METTL25: variants seen among roughly 807,000 people sequenced by gnomAD.
The protein encoded by METTL25 is methyltransferase like 25.
A neutral mutation model predicts 71.6 loss-of-function variants in METTL25; 64 were observed. That is an observed-to-expected ratio of 0.89 (90% CI 0.73 to 1.10). METTL25 has a LOEUF of 1.10. Ranked by LOEUF, METTL25 falls within the 50% of genes least tolerant of loss-of-function variation. METTL25 has a pLI of 0.00. For synonymous variants in METTL25, 287 were observed against 250.3 expected, an observed-to-expected ratio of 1.15 and a Z score of -1.38; for missense variants, 807 against 707.0, an observed-to-expected ratio of 1.14 and a Z score of -1.60.
chr12:82,358,781 G>C lies in METTL25; in HGVS notation c.216G>C (p.Leu72=), dbSNP rs1279746927. The C allele has an allele frequency of 1.2e-6, 2 of 1,613,780 alleles. No homozygotes were observed. Among genetic ancestry groups the C allele is most frequent in the South Asian group, 2.2e-5 (2 of 91,072 alleles). ...LRKSASETEA[L]PSETRPLVEA... ...AGTCAGCGTCGGAGACGGAGGCCCT[G>C]CCCTCAGAGACGCGCCCCCTAGTGG... is the stretch of plus-strand genomic sequence containing the variant. Residue 72 remains leucine, a synonymous_variant, in exon 1 of 12, where the codon CTG becomes CTC. Coordinates refer to ENST00000248306, the MANE Select transcript of METTL25 (RefSeq NM_032230.3).
Position 82,430,982 on chromosome 12 carries a change from T to C in METTL25, c.1369T>C (p.Cys457Arg). ...TGGTCGTAATGCCAGAATGTCAGCA[T>C]GTTTGGTATGGTTATATTTTTTCCT... ...CCGRNARMSA[C>R]LALERVAAGQ... Residue 457 changes from cysteine to arginine, a missense_variant, in exon 6 of 12, where the codon TGT becomes CGT. By Grantham distance (180) the Cys-to-Arg change is radical (BLOSUM62 -3). Transcript: ENST00000248306. 1 of 1,580,728 alleles carries C rather than the reference T, an allele frequency of 6.3e-7. No individual in the cohort carries two copies. The highest frequency in any genetic ancestry group is 8.6e-7 in the Non-Finnish European group (1 of 1,156,436).
intron 5 of METTL25, among the ~76,000 whole-genome samples, chr12:82,410,200 A>G (rs1043842699): frequency 1.3e-5 from 2 of 152,114 alleles, no homozygotes; most frequent in African/African-American, 4.8e-5. Flanking sequence ...CAAATATTCT[A>G]TATATGGTAC....
intron 9 of METTL25, among the ~76,000 whole-genome samples, chr12:82,461,323 A>T (rs1424868218): frequency 6.6e-6 from 1 of 152,226 alleles, no homozygotes; most frequent in Non-Finnish European, 1.5e-5. Flanking sequence ...TGTGCCAGGC[A>T]CTGTGCTAAA....
intron 6 of METTL25, among the ~76,000 whole-genome samples, chr12:82,433,007 A>G (rs539672308): frequency 1.1e-4 from 17 of 151,756 alleles, no homozygotes; most frequent in Admixed American, 9.9e-4. Context: ...TAAAACTTCT[A>G]AATTATTCCA....
intron 1 of METTL25, among the ~76,000 whole-genome samples, chr12:82,372,682 A>G (rs924729506): frequency 1.3e-5 from 2 of 152,132 alleles, no homozygotes; most frequent in African/African-American, 4.8e-5. Flanking sequence ...TAGGATTTGC[A>G]GGTCAAATTG....
At chr12:82,385,146 A>G (rs758644613) in intron 1 of METTL25, among the ~76,000 whole-genome samples, 3 of 152,138 alleles carry the variant, frequency 2.0e-5, no homozygotes, top group Non-Finnish European at 4.4e-5. Context: ...TGGAAGGTAT[A>G]TATATCTGCT....
At chr12:82,413,986 G>GTA (rs995372378) in intron 5 of METTL25, among the ~76,000 whole-genome samples, 35 of 150,732 alleles carry the variant, frequency 2.3e-4, no homozygotes, top group East Asian at 7.8e-4. Flanking sequence ...TATAACAAAT[G>GTA]TATATATATA....
intron 5 of METTL25, among the ~76,000 whole-genome samples, chr12:82,422,435 T>C (rs1322916790): frequency 6.6e-6 from 1 of 152,088 alleles, no homozygotes; most frequent in African/African-American, 2.4e-5. Flanking sequence ...CCACAGCCAA[T>C]ATCATACTGA....
chr12:82,384,469 GA>G (rs1385958866), intron 1 of METTL25, among the ~76,000 whole-genome samples: 2 of 133,124 alleles, frequency 1.5e-5, no homozygotes, highest in East Asian at 4.6e-4. Flanking sequence ...TTACAGGCTG[GA>G]TAACTTGAAA....
chr12:82,456,691 G>T, intron 8 of METTL25, 36 bp from the exon 9 acceptor site: 1 of 1,298,114 alleles, frequency 7.7e-7, no homozygotes, highest in South Asian at 1.3e-5. Flanking sequence ...AATTTACATT[G>T]GAAAAACTAA....
intron 5 of METTL25, among the ~76,000 whole-genome samples, chr12:82,404,901 G>A (rs566394664): frequency 6.6e-5 from 10 of 151,700 alleles, no homozygotes; most frequent in Admixed American, 3.9e-4. Flanking sequence ...CCAAGATGGC[G>A]CCATTGCACT....
intron 3 of METTL25, among the ~76,000 whole-genome samples, chr12:82,396,530 A>G (rs1463928500): frequency 6.6e-6 from 1 of 152,038 alleles, no homozygotes; most frequent in African/African-American, 2.4e-5. Context: ...AGAGTAGGTA[A>G]TGATTTGTTG....
chr12:82,422,302 G>T (rs1321859008), intron 5 of METTL25, among the ~76,000 whole-genome samples: 3 of 152,080 alleles, frequency 2.0e-5, no homozygotes, highest in Admixed American at 6.6e-5. Flanking sequence ...AAAACCACAT[G>T]ATTATCTCAA....
intron 9 of METTL25, chr12:82,476,398 A>G (rs754310876): frequency 3.3e-5 from 12 of 361,390 alleles, no homozygotes; most frequent in Non-Finnish European, 5.0e-5. Context: ...TGTTGAAATT[A>G]AACAATATTA....
chr12:82,459,087 C>T (rs1891687022), intron 9 of METTL25, among the ~76,000 whole-genome samples: 1 of 151,928 alleles, frequency 6.6e-6, no homozygotes, highest in African/African-American at 2.4e-5. Flanking sequence ...ATCTCGCTAT[C>T]GAGAAAATTA....
chr12:82,443,655 A>T (rs1200046756), intron 8 of METTL25, among the ~76,000 whole-genome samples: 1 of 152,166 alleles, frequency 6.6e-6, no homozygotes, highest in Non-Finnish European at 1.5e-5. Context: ...TGGTCCCAAC[A>T]TCTCCTTGGC....
chr12:82,432,366 T>A (rs145978059), intron 6 of METTL25, among the ~76,000 whole-genome samples: 4 of 151,646 alleles, frequency 2.6e-5, no homozygotes, highest in Non-Finnish European at 4.4e-5. Context: ...CAAGGTCTTG[T>A]TAGAATGACA....
intron 6 of METTL25, 130 bp downstream of exon 6, chr12:82,431,117 A>G: frequency 2.2e-6 from 1 of 462,852 alleles, no homozygotes; most frequent in Non-Finnish European, 3.9e-6. Flanking sequence ...TGCATTGGAA[A>G]TTATAAGAAA....
chr12:82,476,586 G>C lies in METTL25; in HGVS notation c.1573-58G>C, dbSNP rs1592788804. On this transcript the variant is annotated intron_variant, in intron 9 of 11. Coordinates refer to ENST00000248306, the MANE Select transcript of METTL25 (RefSeq NM_032230.3). ...GTTTATTTTACTTTAGGATATGTTT[G>C]ACAAGGAAAAATATTTTTAAACTAT... 5 of 1,156,150 alleles carry C rather than the reference G, an allele frequency of 4.3e-6. No individual in the cohort carries two copies. The East Asian group carries it at 1.2e-4, about 27-fold the overall frequency. 71.6% of individuals were successfully genotyped at this position (1,156,150 alleles called of 1,614,324 possible). A position where few individuals can be genotyped will look rare whatever the true frequency, so the allele number is the denominator to read the frequency against.
Sources: gnomAD v4.1 joint callset for allele counts (sites outside exome capture counted in the v4.1 genomes callset) on GRCh38, gnomAD v4.1.1 for gene constraint, MANE v1.5 for transcripts, NCBI Gene and HGNC (gene_info 2026-07-23, HGNC 2026-07-21) for gene names.